Variants in RADIL observed in about 807,000 individuals in gnomAD.
RADIL encodes Rap associating with DIL domain, also known as ras-associating and dilute domain-containing protein.
RADIL carries 99 observed loss-of-function variants against 97.6 expected under a neutral mutation model. The observed-to-expected ratio is 1.01, with a 90% CI of 0.86 to 1.20. The LOEUF (loss-of-function observed/expected upper bound fraction) is 1.20, where lower values mean the gene tolerates loss of function less well. RADIL is among the 50% of genes most tolerant of loss of function. The probability of loss-of-function intolerance (pLI) is 0.00; values close to 1 mark genes in which losing one functional copy is unlikely to be tolerated. For synonymous variants in RADIL, 803 were observed against 691.8 expected, an observed-to-expected ratio of 1.16 and a Z score of -2.52; for missense variants, 1,765 against 1,498.9, an observed-to-expected ratio of 1.18 and a Z score of -2.93.
rs1239351192 is a variant in RADIL at position 4,813,849 on chromosome 7, C to A, written c.2139+1429G>T. Among the ~76,000 whole-genome samples the A allele has an allele frequency of 6.6e-6, 1 of 152,208 alleles. No individual in the cohort carries two copies. Among genetic ancestry groups the A allele is most frequent in the Admixed American group, 6.5e-5 (1 of 15,282 alleles). ...TATCAACTGTTCTTCTGTTTTAGCC[C>A]CATCTTGACATCGGTGTCCAGAGGT... On this transcript the variant is annotated intron_variant, in intron 9 of 14. Coordinates refer to ENST00000399583, the MANE Select transcript of RADIL (RefSeq NM_018059.5). This position sits in a 1 kb window ranked among gnomAD's most constrained non-coding sequence, Gnocchi z 5.0.
At chr7:4,839,453 C>T (rs952025628) in intron 2 of RADIL, among the ~76,000 whole-genome samples, 5 of 151,914 alleles carry the variant, frequency 3.3e-5, no homozygotes, top group African/African-American at 1.2e-4. Context: ...AAGAGCAATG[C>T]ACACAGTGCG....
intron 9 of RADIL, chr7:4,811,166 G>C (rs980394899): frequency 3.9e-5 from 6 of 152,086 alleles, no homozygotes; most frequent in Non-Finnish European, 7.4e-5. Context: ...AAACTGTTGA[G>C]GTTTGTTTTT....
At chr7:4,812,569 G>A (rs2344725) in intron 9 of RADIL, among the ~76,000 whole-genome samples, 4 of 151,926 alleles carry the variant, frequency 2.6e-5, no homozygotes, top group South Asian at 2.1e-4. Flanking sequence ...TTACAGGCAC[G>A]TGCCACCACG....
intron 9 of RADIL, among the ~76,000 whole-genome samples, chr7:4,807,811 CT>C: frequency 1.5e-5 from 1 of 66,654 alleles, no homozygotes; most frequent in African/African-American, 6.8e-5. Flanking sequence ...TCCCTCTCTC[CT>C]CCTTCCTACC....
chr7:4,814,021 C>T lies in RADIL; in HGVS notation c.2139+1257G>A, dbSNP rs1440603454. ...TCTCAAACCAATGGCCTCAAGTGAT[C>T]CTCCCACCTCAGCCTCTCAAAGCAC... On this transcript the variant is annotated intron_variant, in intron 9 of 14. Transcript: ENST00000399583. This position sits in a 1 kb window ranked among gnomAD's most constrained non-coding sequence, Gnocchi z 4.5. 6.6e-6 allele frequency among the ~76,000 whole-genome samples: 1 copy of T among 152,120 alleles called. No individual in the cohort carries two copies. The highest frequency in any genetic ancestry group is 6.6e-5 in the Admixed American group (1 of 15,262).
rs891316542 is a variant in RADIL, at chr7:4,854,757, C to T, written c.536-18152G>A. Reference sequence around the variant, plus strand: ...TGGTATTGGTTGTTTAATTATATTTCACACATATGAAAGCATTTGTAACTT... The same window carrying T: ...TGGTATTGGTTGTTTAATTATATTTTACACATATGAAAGCATTTGTAACTT... On this transcript the variant is annotated intron_variant, in intron 2 of 14. Transcript: ENST00000399583. This position sits in a 1 kb window ranked among gnomAD's most constrained non-coding sequence, Gnocchi z 5.1. Among the ~76,000 whole-genome samples the T allele has an allele frequency of 6.6e-6, 1 of 152,166 alleles. No individual in the cohort carries two copies. Among genetic ancestry groups the T allele is most frequent in the Admixed American group, 6.5e-5 (1 of 15,276 alleles).
At position 4,861,088 on chromosome 7, in the gene RADIL, T is replaced by A. The variant is rs757448381; in HGVS notation, c.535+16517A>T. 9.9e-6 allele frequency: 16 copies of A among 1,614,228 alleles called. No homozygotes were observed. The South Asian group carries it at 1.8e-4, about 18-fold the overall frequency. ...AGGAAACACCTCCGAGGAAACCTAATATATTGGAATAGATATTGTGGCACT... is the reference window on the plus strand; with the variant it reads ...AGGAAACACCTCCGAGGAAACCTAAAATATTGGAATAGATATTGTGGCACT... On this transcript the variant is annotated intron_variant, in intron 2 of 14. Coordinates refer to ENST00000399583, the MANE Select transcript of RADIL (RefSeq NM_018059.5).
intron 2 of RADIL, chr7:4,858,739 A>G (rs1783897510): frequency 6.6e-6 from 1 of 152,496 alleles, no homozygotes; most frequent in African/African-American, 2.4e-5. Context: ...AAGTTTTGCT[A>G]AAATGTGGTG....
In RADIL at chr7:4,843,911, C is replaced by CA. The variant is rs36122253; in HGVS notation, c.536-7307dup. Among the ~76,000 whole-genome samples, 846 of 97,230 alleles carry CA rather than the reference C, an allele frequency of 8.7e-3. 8 individuals carry two copies. The highest frequency in any genetic ancestry group is 0.011 in the Non-Finnish European group (550 of 48,152). 63.8% of individuals were successfully genotyped at this position (97,230 alleles called of 152,430 possible). On this transcript the variant is annotated intron_variant, in intron 2 of 14. Coordinates refer to ENST00000399583, the MANE Select transcript of RADIL (RefSeq NM_018059.5). ...TGGGTGACAGAGCGAGACTCCATTTCAAAAAAAAAAAAAAAAAAAAAGCCT... is the reference window on the plus strand; with the variant it reads ...TGGGTGACAGAGCGAGACTCCATTTCAAAAAAAAAAAAAAAAAAAAAAGCCT...
rs1784269917 is a variant in RADIL at position 4,872,088 on chromosome 7, A to C, written c.535+5517T>G. Among the ~76,000 whole-genome samples, 1 of 152,030 alleles carries C rather than the reference A, an allele frequency of 6.6e-6. No individual in the cohort carries two copies. The highest frequency in any genetic ancestry group is 2.1e-4 in the South Asian group (1 of 4,796). On this transcript the variant is annotated intron_variant, in intron 2 of 14. Coordinates refer to ENST00000399583, the MANE Select transcript of RADIL (RefSeq NM_018059.5). The surrounding 1 kb of genome is among the most constrained non-coding windows in gnomAD (Gnocchi z 5.8). ...TGGCCCAGGAGAAACAAATGTCGCC[A>C]CTGTGGATCAGGCCTGAGGGCCTGG...
chr7:4,823,344 TTTTTTTTTA>T (rs1782887399), intron 5 of RADIL, among the ~76,000 whole-genome samples: 1 of 148,816 alleles, frequency 6.7e-6, no homozygotes, highest in Non-Finnish European at 1.5e-5. Context: ...TTTTTTTTTT[TTTTTTTTTA>T]GAGACAGGGT....
intron 9 of RADIL, among the ~76,000 whole-genome samples, chr7:4,807,839 CCT>C (rs1278271145): frequency 5.8e-5 from 3 of 52,090 alleles, no homozygotes; most frequent in Admixed American, 1.7e-4. Context: ...CTTCTCTCTC[CCT>C]CTCTCTCTCC....
chr7:4,843,505 T>G (rs1783496872), intron 2 of RADIL, among the ~76,000 whole-genome samples: 1 of 152,168 alleles, frequency 6.6e-6, no homozygotes, highest in Middle Eastern at 3.2e-3. Flanking sequence ...AGAAAATCAT[T>G]TCAAATGTAC....
intron 5 of RADIL, among the ~76,000 whole-genome samples, chr7:4,830,919 G>A (rs1783122335): frequency 6.6e-6 from 1 of 152,062 alleles, no homozygotes; most frequent in African/African-American, 2.4e-5. Flanking sequence ...TACTCGGGAG[G>A]CTGAGACAGG....
chr7:4,809,964 T>C (rs1335782026), intron 9 of RADIL, among the ~76,000 whole-genome samples: 1 of 151,732 alleles, frequency 6.6e-6, no homozygotes, highest in South Asian at 2.1e-4. Context: ...GTGATTCATG[T>C]GTCTCAGCCT....
At position 4,827,873 on chromosome 7, in the gene RADIL, TAAA is replaced by T. The variant is rs1249007240; in HGVS notation, c.1454+4265_1454+4267del. Among the ~76,000 whole-genome samples, 3 of 150,758 alleles carry T rather than the reference TAAA, an allele frequency of 2.0e-5. No homozygotes were observed. In the East Asian group the frequency reaches 5.8e-4, roughly 29 times the overall value. On this transcript the variant is annotated intron_variant, in intron 5 of 14. Coordinates refer to ENST00000399583, the MANE Select transcript of RADIL (RefSeq NM_018059.5). ...ATTCATGTTCTGTGAACCTTGTTACTAAAATCAGACAAGGACAGTGCAAAACAA... is the reference window on the plus strand; with the variant it reads ...ATTCATGTTCTGTGAACCTTGTTACTATCAGACAAGGACAGTGCAAAACAA...
At chr7:4,830,143 G>A (rs1334268928) in intron 5 of RADIL, among the ~76,000 whole-genome samples, 2 of 152,218 alleles carry the variant, frequency 1.3e-5, no homozygotes, top group Non-Finnish European at 2.9e-5. Context: ...GTGTGTGTGC[G>A]TGTGGGCATT....
At chr7:4,827,329 C>T (rs1358408941) in intron 5 of RADIL, among the ~76,000 whole-genome samples, 1 of 139,976 alleles carries the variant, frequency 7.1e-6, no homozygotes. Context: ...TGCACCAGTG[C>T]ACTCCAGCGT....
At chr7:4,862,968 T>C (rs1301459347) in intron 2 of RADIL, among the ~76,000 whole-genome samples, 4 of 152,270 alleles carry the variant, frequency 2.6e-5, no homozygotes, top group African/African-American at 4.8e-5. Context: ...TACACTATGA[T>C]TCCCGAATCA....
Sources: gnomAD v4.1 joint callset for allele counts (sites outside exome capture counted in the v4.1 genomes callset) on GRCh38, gnomAD v4.1.1 for gene constraint, Gnocchi (gnomAD v3.1) non-coding constraint, MANE v1.5 for transcripts, NCBI Gene and HGNC (gene_info 2026-07-23, HGNC 2026-07-21) for gene names.